The following GUCY2F variants were observed in gnomAD, a reference collection of about 807,000 sequenced individuals.
GUCY2F encodes the protein guanylate cyclase 2F, retinal, also known as retinal guanylyl cyclase 2.
A neutral mutation model predicts 73.1 loss-of-function variants in GUCY2F; 61 were observed. The observed-to-expected ratio is 0.83, with a 90% confidence interval of 0.68 to 1.03. The LOEUF (loss-of-function observed/expected upper bound fraction) is 1.03. Among genes scored for constraint, GUCY2F ranks in the 50% least tolerant of loss-of-function variants. The probability of loss-of-function intolerance (pLI) is 0.00; values close to 1 mark genes in which losing one functional copy is unlikely to be tolerated. For synonymous variants in GUCY2F, 331 were observed against 307.8 expected (o/e 1.08, Z -0.79); for missense variants, 912 against 854.3 (o/e 1.07, Z -0.84).
chrX:109,453,958 G>C (rs910678000), intron 3 of GUCY2F, 99 bp from the exon 4 acceptor site: 7 of 445,906 alleles, frequency 1.6e-5, no homozygotes, highest in South Asian at 5.0e-5. Context: ...CTGCACATCT[G>C]AGTGAAGTAG....
chrX:109,470,133 C>A (rs1431800021), intron 2 of GUCY2F, among the ~76,000 whole-genome samples: 4 of 111,874 alleles, frequency 3.6e-5, no homozygotes, highest in African/African-American at 1.3e-4. Context: ...AACATTGCTG[C>A]CCAGCTTGAG....
intron 9 of GUCY2F, 24 bp downstream of exon 9, chrX:109,408,968 G>A: frequency 1.1e-6 from 1 of 878,714 alleles, no homozygotes; most frequent in Non-Finnish European, 1.7e-6. Flanking sequence ...GAAAATCCAA[G>A]ATTTCCTCAG....
rs777008004 is a variant in GUCY2F at position 109,385,208 on chromosome X, AAGCTGTGTTCAC to A, written c.3019_3030del (p.Val1007_Ala1010del). The A allele has an allele frequency of 1.7e-6, 2 of 1,180,305 alleles. No homozygotes were observed. Among genetic ancestry groups the A allele is most frequent in the African/African-American group, 3.5e-5 (2 of 56,983 alleles). ...CGTAAGCCTGTAGATTCCATCCGAG[AAGCTGTGTTCAC>A]AGTGTCTCCAAACAAGCAGTATCTG... On this transcript the variant is annotated inframe_deletion, in exon 16 of 20. Transcript: ENST00000218006.
chrX:109,436,791 G>A (rs762856229), intron 7 of GUCY2F, among the ~76,000 whole-genome samples: 32 of 108,575 alleles, frequency 2.9e-4, no homozygotes, highest in African/African-American at 1.0e-3. Context: ...GTTGTGGGGT[G>A]GGGGGAGTGG....
intron 14 of GUCY2F, among the ~76,000 whole-genome samples, chrX:109,389,799 T>C (rs1263518351): frequency 9.0e-6 from 1 of 111,514 alleles, no homozygotes; most frequent in Non-Finnish European, 1.9e-5. Flanking sequence ...TAGGTACATC[T>C]TGAAACCAGC....
chrX:109,396,306 G>A (rs945724349), intron 11 of GUCY2F, among the ~76,000 whole-genome samples: 3 of 109,368 alleles, frequency 2.7e-5, no homozygotes, highest in Non-Finnish European at 5.7e-5. Flanking sequence ...GTCTAGAGCA[G>A]TCAGACTGAC....
intron 3 of GUCY2F, among the ~76,000 whole-genome samples, chrX:109,460,062 T>C (rs1307260517): frequency 9.0e-6 from 1 of 111,147 alleles, no homozygotes; most frequent in Non-Finnish European, 1.9e-5. Flanking sequence ...AACACAAAGA[T>C]GAGAAACTCT....
intron 14 of GUCY2F, among the ~76,000 whole-genome samples, chrX:109,389,293 A>C (rs758819209): frequency 1.6e-4 from 18 of 112,027 alleles, no homozygotes; most frequent in African/African-American, 5.5e-4. Context: ...ACTTGGAAAT[A>C]AAGCCAAATC....
rs186982817 is a variant in GUCY2F at position 109,452,536 on chromosome X, G to A, written c.1388-429C>T. 6.2e-5 allele frequency among the ~76,000 whole-genome samples: 7 copies of A among 112,005 alleles called. No individual in the cohort carries two copies. In the East Asian group the frequency reaches 1.7e-3, roughly 27 times the overall value. ...TTCACCTGAGCCCATATGAGTTATA[G>A]ATGAAAAACGTGGTACTTCTCCTTC... On this transcript the variant is annotated intron_variant, in intron 4 of 19. Coordinates refer to ENST00000218006, the MANE Select transcript of GUCY2F (RefSeq NM_001522.3).
rs770124060 is a variant in GUCY2F at position 109,441,488 on chromosome X, A to G, written c.1570-6T>C. On this transcript the variant is annotated splice_region_variant and splice_polypyrimidine_tract_variant and intron_variant, in intron 6 of 19. Transcript: ENST00000218006. ...ACACTGGCACGACTTCCTCTCTGTGAAAGGATTAGGAAAGAAAAGTTATGA... is the reference window on the plus strand; with the variant it reads ...ACACTGGCACGACTTCCTCTCTGTGGAAGGATTAGGAAAGAAAAGTTATGA... The G allele has an allele frequency of 8.6e-7, 1 of 1,158,680 alleles. No homozygotes were observed. Among genetic ancestry groups the G allele is most frequent in the South Asian group, 2.2e-5 (1 of 46,388 alleles).
chrX:109,415,853 T>TA (rs763673541), intron 8 of GUCY2F, among the ~76,000 whole-genome samples: 1 of 111,830 alleles, frequency 8.9e-6, no homozygotes, highest in African/African-American at 3.2e-5. Flanking sequence ...TAGCATAAAA[T>TA]AAAAAACATT....
At position 109,388,609 on chromosome X, in the gene GUCY2F, C is replaced by T. The variant is rs1464792293; in HGVS notation, c.2836G>A (p.Gly946Ser). 2 of 1,199,637 alleles carry T rather than the reference C, an allele frequency of 1.7e-6. No homozygotes were observed. The highest frequency in any genetic ancestry group is 1.1e-6 in the Non-Finnish European group (1 of 885,978). The change falls in exon 15 of 20, where the codon GGC (glycine) becomes AGC (serine). Residue 946 changes from glycine (G) to serine (S), a missense_variant. Physicochemically the swap from Gly to Ser is moderately conservative, Grantham distance 56. Transcript: ENST00000218006. Reference protein sequence around the residue: ...MVASGLPKRNGSRHAAEIANM... With the variant: ...MVASGLPKRNSSRHAAEIANM... ...GCAATCTCAGCTGCATGCCTACTGC[C>T]ATTCCTCTTTGGGAGGCCTGAAGCC... is the stretch of plus-strand genomic sequence containing the variant.
At chrX:109,470,396 C>T (rs1932550485) in intron 2 of GUCY2F, among the ~76,000 whole-genome samples, 1 of 111,738 alleles carries the variant, frequency 8.9e-6, no homozygotes, top group African/African-American at 3.3e-5. Flanking sequence ...CCTATTGATG[C>T]TAAGGCTCCT....
chrX:109,430,462 C>T (rs1050483899), intron 7 of GUCY2F, 66 bp from the exon 8 acceptor site: 8 of 629,665 alleles, frequency 1.3e-5, no homozygotes, highest in Non-Finnish European at 2.1e-5. Flanking sequence ...AGAAAAATGT[C>T]CCTTCCACAT....
chrX:109,408,610 G>A (rs989255765), intron 9 of GUCY2F, among the ~76,000 whole-genome samples: 37 of 112,130 alleles, frequency 3.3e-4, no homozygotes, highest in African/African-American at 1.1e-3. Flanking sequence ...GGAGGGACCC[G>A]GGGGAGGTAA....
chrX:109,390,056 G>A (rs1930524899), intron 14 of GUCY2F, among the ~76,000 whole-genome samples: 1 of 111,795 alleles, frequency 8.9e-6, no homozygotes, highest in Non-Finnish European at 1.9e-5. Flanking sequence ...TACATGCAAG[G>A]GGAAGTCAGT....
At chrX:109,402,158 T>C (rs929671012) in intron 10 of GUCY2F, among the ~76,000 whole-genome samples, 2 of 111,029 alleles carry the variant, frequency 1.8e-5, no homozygotes, top group African/African-American at 6.6e-5. Flanking sequence ...GGACTGACCA[T>C]CCATACTGCC....
At chrX:109,432,488 C>A (rs1174235889) in intron 7 of GUCY2F, among the ~76,000 whole-genome samples, 2 of 112,124 alleles carry the variant, frequency 1.8e-5, no homozygotes, top group African/African-American at 6.5e-5. Flanking sequence ...GACTGGTGAA[C>A]AAAAAAGCCT....
intron 10 of GUCY2F, among the ~76,000 whole-genome samples, chrX:109,403,618 G>C (rs1437333439): frequency 8.9e-6 from 1 of 111,982 alleles, no homozygotes; most frequent in Non-Finnish European, 1.9e-5. Context: ...AACTTTGGTA[G>C]TGCCAATGAG....
Sources: allele counts gnomAD v4.1 joint callset (sites outside exome capture counted in the v4.1 genomes callset), GRCh38; gene constraint gnomAD v4.1.1; transcripts MANE v1.5; gene names NCBI Gene and HGNC (gene_info 2026-07-23, HGNC 2026-07-21).